CRB1: variants seen among roughly 807,000 people sequenced by gnomAD.
CRB1 encodes the protein protein crumbs homolog 1.
Under a neutral mutation model 120.0 loss-of-function variants are expected in CRB1, and 83 were observed. The observed-to-expected ratio is 0.69, with a 90% CI of 0.58 to 0.83. CRB1 has a LOEUF of 0.83. CRB1 is among the 40% of genes least tolerant of loss of function. CRB1 has a pLI of 0.00. For synonymous variants in CRB1, 625 were observed against 612.5 expected (o/e 1.02, Z -0.30); for missense variants, 1,699 against 1,687.6 (o/e 1.01, Z -0.12).
intron 5 of CRB1, among the ~76,000 whole-genome samples, chr1:197,381,370 A>G (rs1661948305): frequency 6.6e-6 from 1 of 152,218 alleles, no homozygotes; most frequent in Admixed American, 6.5e-5. Flanking sequence ...TTCGTATCTC[A>G]TAGGTAAATT....
intron 1 of CRB1, among the ~76,000 whole-genome samples, chr1:197,296,662 C>T (rs952985185): frequency 6.6e-6 from 1 of 152,022 alleles, no homozygotes; most frequent in Non-Finnish European, 1.5e-5. Context: ...GGCTGTGTCC[C>T]CACCCAAATA....
chr1:197,474,394 G>A (rs1667113036), intron 11 of CRB1, among the ~76,000 whole-genome samples: 1 of 152,208 alleles, frequency 6.6e-6, no homozygotes, highest in Non-Finnish European at 1.5e-5. Context: ...GACTGGCAGA[G>A]GTGGGGCTGG....
At chr1:197,313,768 A>G (rs1328081820) in intron 1 of CRB1, among the ~76,000 whole-genome samples, 2 of 152,138 alleles carry the variant, frequency 1.3e-5, no homozygotes, top group African/African-American at 4.8e-5. Flanking sequence ...GTTGCCGCAA[A>G]TGACAGGATT....
intron 11 of CRB1, among the ~76,000 whole-genome samples, chr1:197,462,812 T>G (rs1666587569): frequency 6.6e-6 from 1 of 152,098 alleles, no homozygotes; most frequent in African/African-American, 2.4e-5. Flanking sequence ...GGAATTACAA[T>G]TATCTACATC....
At chr1:197,400,975 C>T (rs935879907) in intron 5 of CRB1, among the ~76,000 whole-genome samples, 3 of 151,952 alleles carry the variant, frequency 2.0e-5, no homozygotes, top group Non-Finnish European at 4.4e-5. Flanking sequence ...CTTCCCTTCC[C>T]CAACACACAC....
intron 5 of CRB1, among the ~76,000 whole-genome samples, chr1:197,391,650 C>G (rs547376249): frequency 1.3e-5 from 2 of 152,030 alleles, no homozygotes; most frequent in Non-Finnish European, 2.9e-5. Flanking sequence ...ATAATAAATT[C>G]GACTCTTGGG....
the CRB1 span, among the ~76,000 whole-genome samples, chr1:197,253,958 C>G: frequency 4.6e-5 from 7 of 151,962 alleles, no homozygotes; most frequent in African/African-American, 1.7e-4. Context: ...AACACATCAG[C>G]AAATAAATAT....
Position 197,435,174 on chromosome 1 carries a change from G to A in CRB1, c.3311G>A (p.Gly1104Asp), listed in dbSNP as rs1665084756. Residue 1104 changes from glycine (G) to aspartate (D), a missense_variant, in exon 9 of 12, where the codon GGC (glycine) becomes GAC (aspartate). Transcript: ENST00000367400. ...QGCLSTIEIG[G>D]IYLSYFENVH... Reference sequence around the variant, plus strand: ...TGTCTAAGTACAATAGAAATCGGAGGCATTTATCTCTCTTACTTTGAAAAT... The same window carrying A: ...TGTCTAAGTACAATAGAAATCGGAGACATTTATCTCTCTTACTTTGAAAAT... 1 of 1,613,916 alleles carries A rather than the reference G, an allele frequency of 6.2e-7. No homozygotes were observed. The highest frequency in any genetic ancestry group is 8.5e-7 in the Non-Finnish European group (1 of 1,179,866).
chr1:197,306,952 AT>A (rs1657209846), intron 1 of CRB1, among the ~76,000 whole-genome samples: 1 of 152,096 alleles, frequency 6.6e-6, no homozygotes, highest in African/African-American at 2.4e-5. Context: ...AAAGGAGTCG[AT>A]TTGTGTGGCC....
intron 11 of CRB1, among the ~76,000 whole-genome samples, chr1:197,468,211 A>G (rs137886659): frequency 6.6e-6 from 1 of 152,180 alleles, no homozygotes; most frequent in East Asian, 1.9e-4. Flanking sequence ...CGATCCCATG[A>G]GGCACCTTCC....
At chr1:197,428,975 G>T in intron 7 of CRB1, 2 of 1,533,282 alleles carry the variant, frequency 1.3e-6, no homozygotes, top group Non-Finnish European at 1.7e-6. Context: ...CTGATTCAGA[G>T]GCAGACCAAT....
the CRB1 span, among the ~76,000 whole-genome samples, chr1:197,220,141 A>C: frequency 6.6e-6 from 1 of 152,124 alleles, no homozygotes; most frequent in East Asian, 1.9e-4. Flanking sequence ...ACTATTTAAC[A>C]TGGAGAGGCT....
intron 8 of CRB1, among the ~76,000 whole-genome samples, chr1:197,432,357 AACACACACAC>A (rs35921087): frequency 0.028 from 3,930 of 139,712 alleles, 86 homozygotes; most frequent in African/African-American, 0.049. Flanking sequence ...ACCTGGTTGA[AACACACACAC>A]ACACACACAC....
intron 8 of CRB1, among the ~76,000 whole-genome samples, chr1:197,430,405 T>C (rs1431968658): frequency 6.6e-6 from 1 of 152,220 alleles, no homozygotes; most frequent in Admixed American, 6.6e-5. Context: ...TTTTCCATCA[T>C]TACAAAAAAT....
chr1:197,417,762 C>T (rs1444942384), intron 5 of CRB1, among the ~76,000 whole-genome samples: 1 of 152,166 alleles, frequency 6.6e-6, no homozygotes, highest in Non-Finnish European at 1.5e-5. Context: ...TTCTGTGCCC[C>T]CTTCCCCCTT....
intron 1 of CRB1, among the ~76,000 whole-genome samples, chr1:197,287,425 T>C (rs1426042128): frequency 1.3e-5 from 2 of 151,886 alleles, no homozygotes; most frequent in Non-Finnish European, 2.9e-5. Context: ...CAACATAGAC[T>C]TACTTTCAGT....
chr1:197,309,909 CT>C (rs1226893352), intron 1 of CRB1, among the ~76,000 whole-genome samples: 2 of 152,138 alleles, frequency 1.3e-5, no homozygotes, highest in Non-Finnish European at 2.9e-5. Context: ...TGGCAACCCT[CT>C]TCTAGCACAA....
chr1:197,415,355 T>C (rs1663924106), intron 5 of CRB1, among the ~76,000 whole-genome samples: 1 of 152,214 alleles, frequency 6.6e-6, no homozygotes, highest in Non-Finnish European at 1.5e-5. Flanking sequence ...TGAGAAACCA[T>C]GTTGGTTTTC....
chr1:197,297,744 A>G (rs918848992), intron 1 of CRB1, among the ~76,000 whole-genome samples: 2 of 152,158 alleles, frequency 1.3e-5, no homozygotes, highest in African/African-American at 4.8e-5. Context: ...TTAAATGACA[A>G]CTGAGAAAAG....
Sources: allele counts gnomAD v4.1 joint callset (sites outside exome capture counted in the v4.1 genomes callset), GRCh38; gene constraint gnomAD v4.1.1; transcripts MANE v1.5; gene names NCBI Gene and HGNC (gene_info 2026-07-23, HGNC 2026-07-21).